The following IL33 variants were observed in gnomAD, a reference collection of about 807,000 sequenced individuals.
The protein encoded by IL33 is interleukin-33.
Under a neutral mutation model 27.3 loss-of-function variants are expected in IL33, and 37 were observed. The observed-to-expected ratio is 1.36, with a 90% CI of 1.04 to 1.78. The LOEUF (loss-of-function observed/expected upper bound fraction) is 1.78. Ranked by LOEUF, IL33 falls within the 40% of genes most tolerant of loss-of-function variation. The pLI, the probability that IL33 is intolerant of heterozygous loss-of-function variation, is 0.00. For synonymous variants in IL33, 132 were observed against 102.9 expected (o/e 1.28, Z -1.71); for missense variants, 406 against 311.4 (o/e 1.30, Z -2.29).
intron 2 of IL33, among the ~76,000 whole-genome samples, chr9:6,242,990 C>G (rs150470908): frequency 6.6e-6 from 1 of 152,112 alleles, no homozygotes; most frequent in Non-Finnish European, 1.5e-5. Flanking sequence ...AGAGGAGGGA[C>G]CAACCTTTTT....
chr9:6,233,094 C>T (rs1159371335), intron 1 of IL33, among the ~76,000 whole-genome samples: 1 of 152,188 alleles, frequency 6.6e-6, no homozygotes, highest in Non-Finnish European at 1.5e-5. Context: ...AACCACTCTC[C>T]ATCTCCAGAA....
chr9:6,219,738 A>G (rs911378444), intron 1 of IL33, among the ~76,000 whole-genome samples: 2 of 152,158 alleles, frequency 1.3e-5, no homozygotes, highest in Admixed American at 1.3e-4. Flanking sequence ...TTTATTAATC[A>G]CTGACCATTT....
At chr9:6,243,449 G>A (rs893953452) in intron 2 of IL33, among the ~76,000 whole-genome samples, 17 of 152,144 alleles carry the variant, frequency 1.1e-4, no homozygotes, top group Non-Finnish European at 1.9e-4. Flanking sequence ...CTGCCTCCTG[G>A]TTCAAGCGAT....
intron 3 of IL33, 66 bp from the exon 4 acceptor site, chr9:6,251,074 T>A (rs1269892101): frequency 6.4e-7 from 1 of 1,570,982 alleles, no homozygotes; most frequent in Non-Finnish European, 8.6e-7. Context: ...TAACTGGGAA[T>A]CCTCAAAGGG....
Position 6,257,065 on chromosome 9 carries a change from C to T in IL33, c.*897C>T, listed in dbSNP as rs1214694942. The T allele has an allele frequency of 6.6e-6, 1 of 151,900 alleles. No homozygotes were observed. Among genetic ancestry groups the T allele is most frequent in the East Asian group, 1.9e-4 (1 of 5,168 alleles). 9.4% of individuals were successfully genotyped at this position (151,900 alleles called of 1,614,324 possible). On this transcript the variant is annotated 3_prime_UTR_variant, in exon 8 of 8. Transcript: ENST00000682010. ...ATATAATCCAACTATCATGGTAAGG[C>T]CAGAAATCTTCTAACCTACCAGAGC...
intron 2 of IL33, among the ~76,000 whole-genome samples, chr9:6,249,180 A>G (rs1228261046): frequency 1.3e-5 from 2 of 152,212 alleles, no homozygotes; most frequent in African/African-American, 4.8e-5. Flanking sequence ...GAAGATAGTT[A>G]AAGGTACCTA....
At chr9:6,253,730 C>A in intron 6 of IL33, 128 bp downstream of exon 6, 2 of 625,064 alleles carry the variant, frequency 3.2e-6, no homozygotes, top group South Asian at 2.4e-5. Context: ...AACCCAAGCT[C>A]ATGGTAAAAC....
chr9:6,219,664 A>G (rs548876512), intron 1 of IL33, among the ~76,000 whole-genome samples: 317 of 152,298 alleles, frequency 2.1e-3, no homozygotes, highest in African/African-American at 7.4e-3. Flanking sequence ...AACAAGCAAC[A>G]AAATCCCACT....
chr9:6,243,344 T>C (rs1187408921), intron 2 of IL33, among the ~76,000 whole-genome samples: 2 of 152,152 alleles, frequency 1.3e-5, no homozygotes, highest in African/African-American at 4.8e-5. Context: ...GAAAGAAGCA[T>C]GCAAATTTAT....
chr9:6,249,213 T>C (rs973354674), intron 2 of IL33, among the ~76,000 whole-genome samples: 1 of 152,232 alleles, frequency 6.6e-6, no homozygotes, highest in African/African-American at 2.4e-5. Flanking sequence ...GGAAGCAAGA[T>C]GTGGATTAAT....
chr9:6,236,935 C>T (rs996382122), intron 1 of IL33, among the ~76,000 whole-genome samples: 3 of 152,080 alleles, frequency 2.0e-5, no homozygotes, highest in East Asian at 1.9e-4. Flanking sequence ...TAGGATCTGA[C>T]GGTAGGAAAA....
At chr9:6,250,402 C>A in intron 2 of IL33, 72 bp from the exon 3 acceptor site, 2 of 1,536,776 alleles carry the variant, frequency 1.3e-6, no homozygotes, top group Non-Finnish European at 8.9e-7. Context: ...TCTTGGTCTG[C>A]TACACTCAGG....
At chr9:6,249,158 A>G (rs1317308878) in intron 2 of IL33, among the ~76,000 whole-genome samples, 1 of 152,246 alleles carries the variant, frequency 6.6e-6, no homozygotes, top group East Asian at 1.9e-4. Flanking sequence ...GTCTCCCCTT[A>G]TTAAATCAGT....
intron 1 of IL33, among the ~76,000 whole-genome samples, chr9:6,237,644 A>T (rs1819302476): frequency 6.6e-6 from 1 of 152,242 alleles, no homozygotes; most frequent in East Asian, 1.9e-4. Context: ...ATAAAGGACT[A>T]TCAACACCTT....
chr9:6,235,535 A>G (rs1165829359), intron 1 of IL33, among the ~76,000 whole-genome samples: 1 of 152,244 alleles, frequency 6.6e-6, no homozygotes, highest in Non-Finnish European at 1.5e-5. Flanking sequence ...ACCACATAAT[A>G]TTTGAAAACT....
Position 6,257,614 on chromosome 9 carries a change from C to T in IL33, c.*1446C>T, listed in dbSNP as rs1188987674. On this transcript the variant is annotated 3_prime_UTR_variant, in exon 8 of 8. Transcript: ENST00000682010. The stretch of plus-strand genomic sequence containing the variant: ...ATTACAACTTTTCTTAGACTTAACA[C>T]TTATGATAAATGACTAACATAGTAA... 1 of 152,514 alleles carries T rather than the reference C, an allele frequency of 6.6e-6. No homozygotes were observed. Among genetic ancestry groups the T allele is most frequent in the East Asian group, 1.9e-4 (1 of 5,196 alleles). 9.4% of individuals were successfully genotyped at this position (152,514 alleles called of 1,614,324 possible). A position where few individuals can be genotyped will look rare whatever the true frequency, so the allele number is the denominator to read the frequency against.
At chr9:6,229,812 A>C (rs1818836040) in intron 1 of IL33, among the ~76,000 whole-genome samples, 5 of 152,210 alleles carry the variant, frequency 3.3e-5, no homozygotes, top group Admixed American at 3.3e-4. Flanking sequence ...GAAAACAAAC[A>C]GAGTTGGATC....
chr9:6,225,406 A>G (rs1266518791), intron 1 of IL33, among the ~76,000 whole-genome samples: 2 of 152,130 alleles, frequency 1.3e-5, no homozygotes, highest in African/African-American at 4.8e-5. Context: ...TTGCTCTGTG[A>G]GTTGAGAGAC....
At chr9:6,248,388 G>C (rs1820002861) in intron 2 of IL33, among the ~76,000 whole-genome samples, 1 of 151,502 alleles carries the variant, frequency 6.6e-6, no homozygotes, top group African/African-American at 2.4e-5. Context: ...ATCATAAACA[G>C]ATTACTGCTG....
Sources: gnomAD v4.1 joint callset for allele counts (sites outside exome capture counted in the v4.1 genomes callset) on GRCh38, gnomAD v4.1.1 for gene constraint, MANE v1.5 for transcripts, NCBI Gene and HGNC (gene_info 2026-07-23, HGNC 2026-07-21) for gene names.